HEATR1: variants seen among roughly 807,000 people sequenced by gnomAD.
The protein encoded by HEATR1 is HEAT repeat-containing protein 1.
HEATR1 carries 77 observed loss-of-function variants against 248.2 expected under a neutral mutation model. The ratio of observed to expected loss-of-function variants is 0.31; its 90% CI spans 0.26 to 0.37. The LOEUF (loss-of-function observed/expected upper bound fraction) is 0.37. Ranked by LOEUF, HEATR1 falls within the 10% of genes least tolerant of loss-of-function variation. HEATR1 has a pLI of 1.00. For synonymous variants in HEATR1, 897 were observed against 923.1 expected (o/e 0.97, Z 0.51); for missense variants, 2,420 against 2,504.9 (o/e 0.97, Z 0.72).
rs1663562649 is a variant in HEATR1, at chr1:236,576,395, A to C, written c.2926-18T>G. 6.5e-7 allele frequency: 1 copy of C among 1,543,626 alleles called. No individual in the cohort carries two copies. Among genetic ancestry groups the C allele is most frequent in the Non-Finnish European group, 8.7e-7 (1 of 1,148,198 alleles). ...GCCAAATCCTAAGATACCAAAAAGA[A>C]AATTGGATAAAAAAGGGTTAAGAAA... is the stretch of plus-strand genomic sequence containing the variant. On this transcript the variant is annotated intron_variant, in intron 21 of 44. Transcript: ENST00000366582.
In HEATR1 at chr1:236,558,501, T is replaced by C; in HGVS notation, c.4940A>G (p.Asp1647Gly). Residue 1647 changes from aspartate (D) to glycine (G), a missense_variant, in exon 36 of 45, where the codon GAC becomes GGC. Physicochemically the swap from Asp to Gly is moderately conservative, Grantham distance 94. Coordinates refer to ENST00000366582, the MANE Select transcript of HEATR1 (RefSeq NM_018072.6). ...IVTRFLKLVP[D>G]LLAIVQRKKK... ...CTTACGCTGCACAATGGCCAAAAGG[T>C]CTGGAACCAGTTTTAGGAAACGGGT... The C allele has an allele frequency of 1.2e-6, 2 of 1,613,354 alleles. No individual in the cohort carries two copies. The highest frequency in any genetic ancestry group is 1.7e-6 in the Non-Finnish European group (2 of 1,179,392).
intron 24 of HEATR1, among the ~76,000 whole-genome samples, chr1:236,573,384 T>C (rs1311118533): frequency 6.6e-6 from 1 of 152,170 alleles, no homozygotes; most frequent in Non-Finnish European, 1.5e-5. Flanking sequence ...TCTTTAGATA[T>C]GGGGTGGGAT....
In HEATR1 at chr1:236,557,438, G is replaced by A. The variant is rs2103125266; in HGVS notation, c.5205-93C>T. The A allele has an allele frequency of 6.7e-6, 9 of 1,334,642 alleles. No individual in the cohort carries two copies. The East Asian group carries it at 1.6e-4, about 24-fold the overall frequency. The allele number at this position is 1,334,642 out of a possible 1,614,324, so 82.7% of individuals were successfully genotyped here. A position where few individuals can be genotyped will look rare whatever the true frequency, so the allele number is the denominator to read the frequency against. ...GCATTATGAAAAAAACCAGCAAACT[G>A]TGCCTATTACATCGCTATCTGCTTC... is the stretch of plus-strand genomic sequence containing the variant. On this transcript the variant is annotated intron_variant, in intron 36 of 44. Coordinates refer to ENST00000366582, the MANE Select transcript of HEATR1 (RefSeq NM_018072.6).
At position 236,557,220 on chromosome 1, in the gene HEATR1, G is replaced by C. The variant is rs1356741623; in HGVS notation, c.5330C>G (p.Pro1777Arg). The change falls in exon 37 of 45, where the codon CCC (proline) becomes CGC (arginine). Residue 1777 changes from proline to arginine, a missense_variant. Physicochemically the swap from Pro to Arg is moderately radical, Grantham distance 103 (BLOSUM62 -2). Coordinates refer to ENST00000366582, the MANE Select transcript of HEATR1 (RefSeq NM_018072.6). ...VVETLPHFISPYLEGILSQVI... is the reference protein window; with the variant it reads ...VVETLPHFISRYLEGILSQVI... ...CTGGGAGAGAATGCCTTCCAGATAG[G>C]GGCTGATGAAGTGCGGGAGAGTCTC... is the stretch of plus-strand genomic sequence containing the variant. The C allele has an allele frequency of 6.2e-7, 1 of 1,614,068 alleles. No individual in the cohort carries two copies.
Position 236,549,162 on chromosome 1 carries a change from A to G in HEATR1, c.*1740T>C, listed in dbSNP as rs1009898337. The G allele has an allele frequency of 1.0e-5, 4 of 395,308 alleles. No homozygotes were observed. Among genetic ancestry groups the G allele is most frequent in the Non-Finnish European group, 4.5e-6 (1 of 224,510 alleles). The allele number at this position is 395,308 out of a possible 1,614,324, so 24.5% of individuals were successfully genotyped here. The stretch of plus-strand genomic sequence containing the variant: ...CTGTTTTGTTCCCATGAAATCACCA[A>G]TCAAGGCCTCCGTTCTTCTAAAGAT... On this transcript the variant is annotated 3_prime_UTR_variant, in exon 45 of 45. Coordinates refer to ENST00000366582, the MANE Select transcript of HEATR1 (RefSeq NM_018072.6).
At chr1:236,577,885 A>T (rs1200666507) in intron 20 of HEATR1, among the ~76,000 whole-genome samples, 1 of 152,160 alleles carries the variant, frequency 6.6e-6, no homozygotes, top group African/African-American at 2.4e-5. Flanking sequence ...TTCTTTTGTC[A>T]TCAAAACAAT....
In HEATR1 at chr1:236,587,849, T is replaced by C. The variant is rs552431645; in HGVS notation, c.1626+99A>G. On this transcript the variant is annotated intron_variant, in intron 13 of 44. Transcript: ENST00000366582. ...AGAGAACAAATTTCCCATGGAAAAA[T>C]AATTTCCAAAAATATTCTAGTCTCA... The C allele has an allele frequency of 4.6e-4, 377 of 816,794 alleles. 6 individuals are homozygous for C. The South Asian group carries it at 7.3e-3, about 16-fold the overall frequency. 50.6% of individuals were successfully genotyped at this position (816,794 alleles called of 1,614,324 possible).
intron 40 of HEATR1, 42 bp from the exon 41 acceptor site, chr1:236,555,506 A>G (rs1335904061): frequency 1.2e-6 from 2 of 1,613,876 alleles, no homozygotes; most frequent in Non-Finnish European, 1.7e-6. Context: ...ACATCTTGTC[A>G]CTTAAATCTG....
intron 43 of HEATR1, chr1:236,552,848 T>C (rs1662815649): frequency 6.6e-6 from 1 of 152,232 alleles, no homozygotes; most frequent in Admixed American, 6.5e-5. Context: ...TTGTGCAAAG[T>C]AAAATATTAC....
intron 12 of HEATR1, among the ~76,000 whole-genome samples, chr1:236,590,508 T>C (rs1360318136): frequency 6.6e-6 from 1 of 152,170 alleles, no homozygotes; most frequent in Non-Finnish European, 1.5e-5. Flanking sequence ...ATTATAGGCA[T>C]GAGCTGCTGT....
intron 28 of HEATR1, among the ~76,000 whole-genome samples, chr1:236,570,177 T>C (rs1198390472): frequency 2.0e-5 from 3 of 152,094 alleles, no homozygotes; most frequent in Admixed American, 1.3e-4. Flanking sequence ...TAGTCCTAGC[T>C]ACTCGGGAGG....
chr1:236,572,451 G>A lies in HEATR1; in HGVS notation c.3667C>T (p.Pro1223Ser). 6.2e-7 allele frequency: 1 copy of A among 1,614,090 alleles called. No individual in the cohort carries two copies. Among genetic ancestry groups the A allele is most frequent in the Non-Finnish European group, 8.5e-7 (1 of 1,179,976 alleles). The change falls in exon 26 of 45, where the codon CCT becomes TCT. Residue 1223 changes from proline to serine, a missense_variant. Physicochemically the swap from Pro to Ser is moderately conservative, Grantham distance 74. Transcript: ENST00000366582. The part of the protein sequence containing the change: ...LLQHKKKLRS[P>S]QILVPTLFNL... ...AAAAGAGTTGGCACCAATATCTGAG[G>A]ACTTCTGAGCTTCTTTTTGTGCTGC...
intron 23 of HEATR1, 87 bp downstream of exon 23, chr1:236,574,573 TC>T (rs1558184238): frequency 1.0e-5 from 14 of 1,366,210 alleles, no homozygotes; most frequent in East Asian, 2.3e-5. Flanking sequence ...AAAATATTAA[TC>T]TTTTTTTTTT....
intron 43 of HEATR1, 99 bp downstream of exon 43, chr1:236,553,482 G>T: frequency 1.7e-6 from 2 of 1,171,976 alleles, no homozygotes; most frequent in Non-Finnish European, 2.4e-6. Flanking sequence ...GTTCTTCCCT[G>T]CCAGTTTACT....
chr1:236,581,562 T>A lies in HEATR1; in HGVS notation c.2563-148A>T, dbSNP rs1343521392. 2.4e-5 allele frequency: 13 copies of A among 539,866 alleles called. No homozygotes were observed. The East Asian group carries it at 3.8e-4, about 16-fold the overall frequency. 33.4% of individuals were successfully genotyped at this position (539,866 alleles called of 1,614,324 possible). The stretch of plus-strand genomic sequence containing the variant: ...CTAATCATTTCAAATTATTCCATAT[T>A]CCATGTTTTAATGAACTGGGAAGAT... On this transcript the variant is annotated intron_variant, in intron 19 of 44. Coordinates refer to ENST00000366582, the MANE Select transcript of HEATR1 (RefSeq NM_018072.6).
Position 236,573,600 on chromosome 1 carries a change from TAC to T in HEATR1, c.3459+600_3459+601del, listed in dbSNP as rs757983431. On this transcript the variant is annotated intron_variant, in intron 24 of 44. Coordinates refer to ENST00000366582, the MANE Select transcript of HEATR1 (RefSeq NM_018072.6). ...ACTTTTCAAAAGATGCACACTGAAG[TAC>T]AGAGGGATGAAAGTGCATGACATTA... Among the ~76,000 whole-genome samples, 12 of 152,128 alleles carry T rather than the reference TAC, an allele frequency of 7.9e-5. No homozygotes were observed. In the East Asian group the frequency reaches 2.3e-3, roughly 29 times the overall value.
At chr1:236,564,368 T>C (rs973453694) in intron 32 of HEATR1, 130 bp downstream of exon 32, 9 of 714,270 alleles carry the variant, frequency 1.3e-5, no homozygotes, top group Non-Finnish European at 1.8e-5. Flanking sequence ...CGTACTTTCT[T>C]GTTCTATTAT....
At chr1:236,593,545 C>T (rs1321029209) in intron 9 of HEATR1, among the ~76,000 whole-genome samples, 2 of 136,270 alleles carry the variant, frequency 1.5e-5, no homozygotes, top group Non-Finnish European at 3.0e-5. Flanking sequence ...CTGACCACAA[C>T]GCCTACATCT....
At chr1:236,583,368 AG>A (rs1353508100) in intron 17 of HEATR1, among the ~76,000 whole-genome samples, 172 bp from the exon 18 acceptor site, 5 of 152,246 alleles carry the variant, frequency 3.3e-5, no homozygotes, top group African/African-American at 1.2e-4. Context: ...ACTATTCACA[AG>A]GAAAGACAAA....
Sources: allele counts gnomAD v4.1 joint callset (sites outside exome capture counted in the v4.1 genomes callset), GRCh38; gene constraint gnomAD v4.1.1; transcripts MANE v1.5; gene names NCBI Gene and HGNC (gene_info 2026-07-23, HGNC 2026-07-21).